Variants in NRG1 observed in about 807,000 individuals in gnomAD.
The protein encoded by NRG1 is neuregulin 1.
Under a neutral mutation model 63.8 loss-of-function variants are expected in NRG1, and 18 were observed. The observed-to-expected ratio is 0.28, with a 90% confidence interval of 0.19 to 0.42. NRG1 has a LOEUF of 0.42. Ranked by LOEUF, NRG1 falls within the 10% of genes least tolerant of loss-of-function variation. The pLI, the probability that NRG1 is intolerant of heterozygous loss-of-function variation, is 1.00. For missense variants in NRG1, 762 were observed against 814.7 expected, an observed-to-expected ratio of 0.94 and a Z score of 0.79; for synonymous variants, 302 against 301.3, an observed-to-expected ratio of 1.00 and a Z score of -0.02.
chr8:32,102,312 A>G (rs1215095613), intron 1 of NRG1, among the ~76,000 whole-genome samples: 1 of 151,878 alleles, frequency 6.6e-6, no homozygotes, highest in Non-Finnish European at 1.5e-5. Context: ...TAATTTTTGT[A>G]TGTTTTGTAG....
intron 5 of NRG1, among the ~76,000 whole-genome samples, chr8:32,704,663 A>T (rs1815876707): frequency 6.6e-6 from 1 of 152,252 alleles, no homozygotes. Context: ...ACTTCTGTGC[A>T]ATAAATCTCA....
intron 5 of NRG1, among the ~76,000 whole-genome samples, chr8:32,703,667 T>C (rs925542779): frequency 6.6e-6 from 1 of 152,234 alleles, no homozygotes; most frequent in Non-Finnish European, 1.5e-5. Flanking sequence ...ATGGCTTCTT[T>C]TAGAATACAA....
intron 1 of NRG1, among the ~76,000 whole-genome samples, chr8:32,424,370 A>G (rs555721285): frequency 6.6e-6 from 1 of 152,110 alleles, no homozygotes; most frequent in East Asian, 1.9e-4. Flanking sequence ...CTCAGAGCAC[A>G]CTCACCTTGA....
chr8:32,690,308 A>G (rs1197532412), intron 5 of NRG1, among the ~76,000 whole-genome samples: 1 of 151,978 alleles, frequency 6.6e-6, no homozygotes, highest in Non-Finnish European at 1.5e-5. Flanking sequence ...TGGTCTACTT[A>G]TCCCCCCGCC....
At chr8:31,969,212 T>A (rs1248231127) in intron 1 of NRG1, among the ~76,000 whole-genome samples, 3 of 152,212 alleles carry the variant, frequency 2.0e-5, no homozygotes, top group Non-Finnish European at 4.4e-5. Context: ...ATATCGCAGA[T>A]GAAAGTACTG....
intron 7 of NRG1, among the ~76,000 whole-genome samples, chr8:32,746,251 A>C (rs921800176): frequency 1.3e-5 from 2 of 152,180 alleles, no homozygotes; most frequent in South Asian, 2.1e-4. Context: ...TCTCCATTTT[A>C]TAAAGGTAAG....
intron 1 of NRG1, among the ~76,000 whole-genome samples, chr8:32,314,090 T>C (rs1857108209): frequency 6.6e-6 from 1 of 152,094 alleles, no homozygotes; most frequent in Admixed American, 6.6e-5. Context: ...CATTTGAAGA[T>C]TAATAAATCC....
At chr8:32,327,786 T>A (rs982182284) in intron 1 of NRG1, among the ~76,000 whole-genome samples, 1 of 152,224 alleles carries the variant, frequency 6.6e-6, no homozygotes, top group Non-Finnish European at 1.5e-5. Flanking sequence ...GGAAGCCTTA[T>A]TAGGTGGTGA....
At chr8:32,325,791 T>C (rs779523404) in intron 1 of NRG1, among the ~76,000 whole-genome samples, 1 of 152,218 alleles carries the variant, frequency 6.6e-6, no homozygotes, top group Non-Finnish European at 1.5e-5. Context: ...AAAGGTTCCT[T>C]TCACATCTAT....
chr8:32,072,199 A>G (rs1825847918), intron 1 of NRG1, among the ~76,000 whole-genome samples: 1 of 151,790 alleles, frequency 6.6e-6, no homozygotes, highest in South Asian at 2.1e-4. Flanking sequence ...AGCACTTTTC[A>G]GTATAGAATT....
chr8:32,343,616 A>G (rs2129478477), intron 1 of NRG1, among the ~76,000 whole-genome samples: 1 of 152,282 alleles, frequency 6.6e-6, no homozygotes, highest in Admixed American at 6.5e-5. Flanking sequence ...AGCTCGAAGT[A>G]AAAGGGGAGG....
intron 1 of NRG1, among the ~76,000 whole-genome samples, chr8:32,414,710 C>A (rs560339721): frequency 2.0e-5 from 3 of 152,138 alleles, no homozygotes; most frequent in Non-Finnish European, 2.9e-5. Flanking sequence ...AAGTTTCAAA[C>A]CTCTATTGCA....
intron 1 of NRG1, among the ~76,000 whole-genome samples, chr8:32,541,772 C>G (rs6468118): frequency 0.6 from 90,692 of 151,912 alleles, 27,307 homozygotes; most frequent in East Asian, 0.74. Flanking sequence ...CAGAAAATGA[C>G]CGCCAAGTAT....
chr8:32,339,360 C>G (rs931497242), intron 1 of NRG1, among the ~76,000 whole-genome samples: 11 of 152,126 alleles, frequency 7.2e-5, no homozygotes, highest in Non-Finnish European at 1.5e-4. Context: ...TCTTAGATAT[C>G]TTGAAGTAGA....
chr8:31,991,391 G>GCTT (rs369498834), intron 1 of NRG1, among the ~76,000 whole-genome samples: 1 of 143,892 alleles, frequency 6.9e-6, no homozygotes, highest in African/African-American at 2.6e-5. Context: ...TTCTTCTGCT[G>GCTT]CTTCTTCTTC....
chr8:32,364,506 A>G (rs1050003450), intron 1 of NRG1, among the ~76,000 whole-genome samples: 5 of 152,148 alleles, frequency 3.3e-5, no homozygotes, highest in Admixed American at 2.6e-4. Context: ...ATAATTTTTC[A>G]TGACTGATTT....
chr8:31,890,690 A>G (rs1333642367), intron 1 of NRG1, among the ~76,000 whole-genome samples: 1 of 152,196 alleles, frequency 6.6e-6, no homozygotes, highest in Non-Finnish European at 1.5e-5. Context: ...TTAAGATCCT[A>G]AAGATTTTGA....
chr8:32,766,015 A>G (rs966458902), exon 12 of NRG1: 1 of 152,128 alleles, frequency 6.6e-6, no homozygotes, highest in Admixed American at 6.5e-5. Flanking sequence ...TAGGATTCAC[A>G]TGGCCTCCTA....
At chr8:32,410,207 G>GTCTCCTTC (rs1814714128) in intron 1 of NRG1, among the ~76,000 whole-genome samples, 2 of 123,350 alleles carry the variant, frequency 1.6e-5, no homozygotes, top group African/African-American at 6.2e-5. Flanking sequence ...TTGAGACATG[G>GTCTCCTTC]TCTCCTTCTG....
Sources: allele counts gnomAD v4.1 joint callset (sites outside exome capture counted in the v4.1 genomes callset), GRCh38; gene constraint gnomAD v4.1.1; transcripts MANE v1.5; gene names NCBI Gene and HGNC (gene_info 2026-07-23, HGNC 2026-07-21).